The following KIF6 variants were observed in gnomAD, a reference collection of about 807,000 sequenced individuals.
KIF6 encodes the protein kinesin-like protein KIF6.
KIF6 carries 106 observed loss-of-function variants against 112.7 expected under a neutral mutation model. That is an observed-to-expected ratio of 0.94 (90% CI 0.80 to 1.11). KIF6 has a LOEUF of 1.11. Ranked by LOEUF, KIF6 falls within the 50% of genes least tolerant of loss-of-function variation. The pLI is 0.00. For synonymous variants in KIF6, 339 were observed against 339.9 expected (o/e 1.00, Z 0.03); for missense variants, 929 against 964.0 (o/e 0.96, Z 0.48).
At chr6:39,658,785 A>G (rs1373949396) in intron 3 of KIF6, among the ~76,000 whole-genome samples, 4 of 152,228 alleles carry the variant, frequency 2.6e-5, no homozygotes, top group Non-Finnish European at 5.9e-5. Context: ...CAACTCAATA[A>G]TGAAGGTCTT....
chr6:39,384,353 C>T (rs1197712732), intron 16 of KIF6, among the ~76,000 whole-genome samples: 1 of 152,174 alleles, frequency 6.6e-6, no homozygotes, highest in Non-Finnish European at 1.5e-5. Flanking sequence ...ATTCTGCCTT[C>T]CCAAGCCTGG....
intron 22 of KIF6, among the ~76,000 whole-genome samples, chr6:39,337,149 TC>T (rs1762987361): frequency 4.2e-5 from 4 of 95,924 alleles, no homozygotes; most frequent in Admixed American, 3.8e-4. Flanking sequence ...CCTTCCTTTC[TC>T]TTTCTTTTCT....
At chr6:39,693,774 A>G (rs566967026) in intron 3 of KIF6, among the ~76,000 whole-genome samples, 2 of 152,266 alleles carry the variant, frequency 1.3e-5, no homozygotes, top group South Asian at 4.1e-4. Context: ...TACTAAAACT[A>G]TTCCAAAAAA....
intron 13 of KIF6, among the ~76,000 whole-genome samples, chr6:39,528,847 T>A (rs901566633): frequency 6.6e-6 from 1 of 152,208 alleles, no homozygotes; most frequent in Non-Finnish European, 1.5e-5. Flanking sequence ...TCCAAAATCA[T>A]TTTTCATTGC....
At chr6:39,437,030 CT>C (rs535071217) in intron 13 of KIF6, among the ~76,000 whole-genome samples, 1,644 of 151,784 alleles carry the variant, frequency 0.011, 20 homozygotes, top group African/African-American at 0.036. Context: ...TTTGTGTCAT[CT>C]ATGTTTTTTT....
chr6:39,656,985 C>T (rs901744349), intron 3 of KIF6, among the ~76,000 whole-genome samples: 11 of 152,126 alleles, frequency 7.2e-5, no homozygotes. Context: ...AATCCCAACA[C>T]TTTGGGAGGC....
chr6:39,601,026 G>A (rs554806165), intron 6 of KIF6, among the ~76,000 whole-genome samples: 43 of 152,196 alleles, frequency 2.8e-4, no homozygotes, highest in African/African-American at 9.9e-4. Context: ...TCATATTAAC[G>A]TCGCTGTTGA....
At chr6:39,665,143 T>C (rs1385092689) in intron 3 of KIF6, among the ~76,000 whole-genome samples, 1 of 152,286 alleles carries the variant, frequency 6.6e-6, no homozygotes, top group East Asian at 1.9e-4. Flanking sequence ...TGTGGTCATC[T>C]GAAACACCAA....
At chr6:39,676,659 C>T (rs1787158179) in intron 3 of KIF6, among the ~76,000 whole-genome samples, 1 of 151,924 alleles carries the variant, frequency 6.6e-6, no homozygotes. Context: ...TAAAGTGAAT[C>T]ATATATATCA....
intron 18 of KIF6, 76 bp downstream of exon 18, chr6:39,360,319 C>G: frequency 6.4e-7 from 1 of 1,552,932 alleles, no homozygotes; most frequent in Non-Finnish European, 8.8e-7. Context: ...AAAGCCCCCA[C>G]TGTGTCTCTT....
chr6:39,514,432 G>A (rs1776949854), intron 13 of KIF6, among the ~76,000 whole-genome samples: 1 of 152,232 alleles, frequency 6.6e-6, no homozygotes, highest in Non-Finnish European at 1.5e-5. Flanking sequence ...AGGAGGACAT[G>A]TGAGATCGAA....
chr6:39,590,985 G>A (rs1274002566), intron 7 of KIF6, among the ~76,000 whole-genome samples: 1 of 152,134 alleles, frequency 6.6e-6, no homozygotes, highest in African/African-American at 2.4e-5. Context: ...TCTTCTTGCG[G>A]CCCCACAATG....
chr6:39,558,845 C>T (rs1779862903), intron 10 of KIF6, among the ~76,000 whole-genome samples: 1 of 151,938 alleles, frequency 6.6e-6, no homozygotes, highest in Non-Finnish European at 1.5e-5. Flanking sequence ...CTATTAGAAC[C>T]CAAAACACTT....
At chr6:39,461,100 G>C (rs722249) in intron 13 of KIF6, among the ~76,000 whole-genome samples, 28,161 of 152,138 alleles carry the variant, frequency 0.19, 3,864 homozygotes, top group African/African-American at 0.38. Context: ...GTGGTCAAAA[G>C]AGAGTTTTGC....
In KIF6 at chr6:39,378,281, C is replaced by T. The variant is rs1162571328; in HGVS notation, c.1861+7341G>A. On this transcript the variant is annotated intron_variant, in intron 16 of 22. Coordinates refer to ENST00000287152, the MANE Select transcript of KIF6 (RefSeq NM_145027.6). The surrounding 1 kb of genome is among the most constrained non-coding windows in gnomAD (Gnocchi z 5.0). ...CACACAAACCCACAAACCACACACA[C>T]ATACACACCACACACACAAGCACAA... 2.0e-5 allele frequency among the ~76,000 whole-genome samples: 3 copies of T among 151,828 alleles called. No individual in the cohort carries two copies. Among genetic ancestry groups the T allele is most frequent in the African/African-American group, 7.3e-5 (3 of 41,316 alleles).
intron 15 of KIF6, among the ~76,000 whole-genome samples, chr6:39,408,261 C>T (rs1177499181): frequency 6.6e-6 from 1 of 152,146 alleles, no homozygotes; most frequent in African/African-American, 2.4e-5. Flanking sequence ...AGTACTGTCA[C>T]ACACTGGAAG....
chr6:39,473,927 A>AT (rs1365010426), intron 13 of KIF6, among the ~76,000 whole-genome samples: 1 of 152,162 alleles, frequency 6.6e-6, no homozygotes, highest in East Asian at 1.9e-4. Flanking sequence ...GTAAAAATTC[A>AT]TTTGAGTTTT....
chr6:39,431,221 T>C, intron 13 of KIF6, 60 bp from the exon 14 acceptor site: 1 of 1,011,236 alleles, frequency 9.9e-7, no homozygotes, highest in Non-Finnish European at 1.5e-6. Context: ...TTAATTTCAT[T>C]GTCACTTCAG....
At chr6:39,697,811 G>A (rs1216826963) in intron 3 of KIF6, among the ~76,000 whole-genome samples, 2 of 152,136 alleles carry the variant, frequency 1.3e-5, no homozygotes, top group African/African-American at 2.4e-5. Context: ...GCCTCCCAAA[G>A]TGCTGGGATT....
Sources: gnomAD v4.1 joint callset for allele counts (sites outside exome capture counted in the v4.1 genomes callset) on GRCh38, gnomAD v4.1.1 for gene constraint, Gnocchi (gnomAD v3.1) non-coding constraint, MANE v1.5 for transcripts, NCBI Gene and HGNC (gene_info 2026-07-23, HGNC 2026-07-21) for gene names.